The following FOXK1 variants were observed in gnomAD, a reference collection of about 807,000 sequenced individuals.
The protein encoded by FOXK1 is forkhead box protein K1.
A neutral mutation model predicts 51.9 loss-of-function variants in FOXK1; 19 were observed. The observed-to-expected ratio is 0.37, with a 90% CI of 0.26 to 0.54. FOXK1 has a LOEUF of 0.54. Among genes scored for constraint, FOXK1 ranks in the 20% least tolerant of loss-of-function variants. The pLI is 0.87. For missense variants in FOXK1, 870 were observed against 1,032.7 expected (o/e 0.84, Z 2.16); for synonymous variants, 537 against 482.6 (o/e 1.11, Z -1.48).
rs922229021 is a variant in FOXK1, at chr7:4,711,337, G to T, written c.560+28469G>T. ...GGAGGCTGGGCGCAGTAATAAACACGCCCAGAGTGGAAGGGCTTCCTGTGA... is the reference window on the plus strand; with the variant it reads ...GGAGGCTGGGCGCAGTAATAAACACTCCCAGAGTGGAAGGGCTTCCTGTGA... On this transcript the variant is annotated intron_variant, in intron 1 of 8. Transcript: ENST00000328914. This position sits in a 1 kb window ranked among gnomAD's most constrained non-coding sequence, Gnocchi z 6.3. Among the ~76,000 whole-genome samples the T allele has an allele frequency of 6.6e-6, 1 of 152,178 alleles. No individual in the cohort carries two copies.
At chr7:4,760,961 GC>G (rs1304264548) in intron 7 of FOXK1, 102 bp from the exon 8 acceptor site, 1 of 1,076,828 alleles carries the variant, frequency 9.3e-7, no homozygotes, top group Non-Finnish European at 1.4e-6. Context: ...TTTTCCCAGT[GC>G]CGACCTCACT....
chr7:4,712,290 G>A (rs1780185092), intron 1 of FOXK1, among the ~76,000 whole-genome samples: 1 of 152,078 alleles, frequency 6.6e-6, no homozygotes, highest in African/African-American at 2.4e-5. Flanking sequence ...CTTGGTTCCT[G>A]TCTCCATAAA....
At chr7:4,718,343 C>T (rs1780264874) in intron 1 of FOXK1, among the ~76,000 whole-genome samples, 1 of 152,224 alleles carries the variant, frequency 6.6e-6, no homozygotes, top group Non-Finnish European at 1.5e-5. Context: ...AATGCGTCTC[C>T]ATGGCTGCAG....
Position 4,763,930 on chromosome 7 carries a change from G to A in FOXK1, c.*1466G>A, listed in dbSNP as rs748730216. The stretch of plus-strand genomic sequence containing the variant: ...AACGAGAAACAGCGACAGATTCGAC[G>A]CAGAGCTCCGGAAGTGCCTGAGGAG... On this transcript the variant is annotated 3_prime_UTR_variant, in exon 9 of 9. Transcript: ENST00000328914. 5 of 152,240 alleles carry A rather than the reference G, an allele frequency of 3.3e-5. No individual in the cohort carries two copies. The highest frequency in any genetic ancestry group is 5.9e-5 in the Non-Finnish European group (4 of 68,042). 9.4% of individuals were successfully genotyped at this position (152,240 alleles called of 1,614,324 possible). A position where few individuals can be genotyped will look rare whatever the true frequency, so the allele number is the denominator to read the frequency against.
chr7:4,727,342 G>A (rs951466055), intron 1 of FOXK1, among the ~76,000 whole-genome samples: 12 of 151,976 alleles, frequency 7.9e-5, no homozygotes, highest in African/African-American at 2.2e-4. Flanking sequence ...TGGCAAGGGC[G>A]TCTTACTCTG....
Position 4,762,340 on chromosome 7 carries a change from C to T in FOXK1, c.2078C>T (p.Ser693Phe), listed in dbSNP as rs1312326864. The T allele has an allele frequency of 3.2e-6, 5 of 1,550,796 alleles. No homozygotes were observed. In the Admixed American group the frequency reaches 7.8e-5, roughly 24 times the overall value. The change falls in exon 9 of 9, where the codon TCC becomes TTC. Residue 693 changes from serine (S) to phenylalanine (F), a missense_variant. Physicochemically the swap from Ser to Phe is radical, Grantham distance 155. This residue lies in a region of FOXK1 where 457 missense variants were observed against 510.8 expected (regional missense o/e 0.89). Transcript: ENST00000328914. This position sits in a 1 kb window ranked among gnomAD's most constrained non-coding sequence, Gnocchi z 5.7. ...GCCACTGCCACCACCGCCTCTGCCT[C>T]CGCCTCTTCCACTGGAGAGCCCGAG... is the stretch of plus-strand genomic sequence containing the variant. ...TPATATTASA[S>F]ASSTGEPEVK...
At position 4,682,549 on chromosome 7, in the gene FOXK1, T is replaced by A; in HGVS notation, c.241T>A (p.Ser81Thr). 1 of 1,154,636 alleles carries A rather than the reference T, an allele frequency of 8.7e-7. No individual in the cohort carries two copies. The highest frequency in any genetic ancestry group is 1.1e-6 in the Non-Finnish European group (1 of 941,818). 71.5% of individuals were successfully genotyped at this position (1,154,636 alleles called of 1,614,324 possible). ...SGGSSGVSGDSAVAGAAPALV... is the reference protein window; with the variant it reads ...SGGSSGVSGDTAVAGAAPALV... ...GGGCTCCTCCGGGGTATCCGGGGAC[T>A]CCGCGGTCGCGGGCGCGGCGCCGGC... The change falls in exon 1 of 9, where the codon TCC becomes ACC. Residue 81 changes from serine to threonine, a missense_variant. This residue lies in a region of FOXK1 where 399 missense variants were observed against 475.6 expected (regional missense o/e 0.84). Coordinates refer to ENST00000328914, the MANE Select transcript of FOXK1 (RefSeq NM_001037165.2). This position sits in a 1 kb window ranked among gnomAD's most constrained non-coding sequence, Gnocchi z 7.6.
At position 4,760,677 on chromosome 7, in the gene FOXK1, C is replaced by G. The variant is rs545008685; in HGVS notation, c.1697-387C>G. On this transcript the variant is annotated intron_variant, in intron 7 of 8. Transcript: ENST00000328914. The stretch of plus-strand genomic sequence containing the variant: ...ACCAGCCTGGCCAACATGGTGAAAC[C>G]CCATCTCTACTGAAAATACAAAAAT... Among the ~76,000 whole-genome samples, 19 of 152,174 alleles carry G rather than the reference C, an allele frequency of 1.2e-4. No homozygotes were observed. The South Asian group carries it at 2.1e-3, about 17-fold the overall frequency.
Position 4,692,559 on chromosome 7 carries a change from G to T in FOXK1, c.560+9691G>T, listed in dbSNP as rs957290628. On this transcript the variant is annotated intron_variant, in intron 1 of 8. Coordinates refer to ENST00000328914, the MANE Select transcript of FOXK1 (RefSeq NM_001037165.2). Reference sequence around the variant, plus strand: ...AAACAGGCATGTGCCACCACGCCCAGCTAATTTTGTATTTTTAGTAGAGAC... The same window carrying T: ...AAACAGGCATGTGCCACCACGCCCATCTAATTTTGTATTTTTAGTAGAGAC... Among the ~76,000 whole-genome samples the T allele has an allele frequency of 2.0e-5, 3 of 150,462 alleles. No homozygotes were observed. The South Asian group carries it at 6.3e-4, about 32-fold the overall frequency.
Position 4,759,537 on chromosome 7 carries a change from G to GT in FOXK1, c.1638_1639insT (p.Gly547TrpfsTer5). 1 of 1,558,448 alleles carries GT rather than the reference G, an allele frequency of 6.4e-7. No individual in the cohort carries two copies. The highest frequency in any genetic ancestry group is 8.6e-7 in the Non-Finnish European group (1 of 1,158,426). ...ACATCCTCACCAGCCAGGGCGCGGC[G>GT]GGGGGCTCCCATGATGCGGCGGGCG... is the stretch of plus-strand genomic sequence containing the variant. On this transcript the variant is annotated frameshift_variant, in exon 7 of 9. Transcript: ENST00000328914. LOFTEE classifies it high-confidence loss of function.
rs774828063 is a variant in FOXK1 at position 4,757,177 on chromosome 7, C to G, written c.1234C>G (p.Leu412Val). ...VSCFRTPFGP[L>V]SSRSAPASPT... is the part of the protein sequence containing the mutation. ...CTGCTTCCGCACCCCCTTCGGGCCT[C>G]TGTCCTCAAGGTAAAGTTCTCTGAG... The change falls in exon 5 of 9, where the codon CTG becomes GTG. Residue 412 changes from leucine to valine, a missense_variant. Transcript: ENST00000328914. 1.0e-5 allele frequency: 16 copies of G among 1,606,336 alleles called. No homozygotes were observed. The Admixed American group carries it at 2.7e-4, about 27-fold the overall frequency.
rs775099211 is a variant in FOXK1, at chr7:4,704,834, C to CTTTTTTTTTTTTTTTTTTTTTTTTTTTT, written c.560+21981_560+21982insTTTTTTTTTTTTTTTTTTTTTTTTTTTT. ...CTCCCAAACCAATCTATGTTTCATT[C>CTTTTTTTTTTTTTTTTTTTTTTTTTTTT]TTTTTTTTTTTTTTTGAGAAAAAGT... is the stretch of plus-strand genomic sequence containing the variant. On this transcript the variant is annotated intron_variant, in intron 1 of 8. Coordinates refer to ENST00000328914, the MANE Select transcript of FOXK1 (RefSeq NM_001037165.2). Among the ~76,000 whole-genome samples the CTTTTTTTTTTTTTTTTTTTTTTTTTTTT allele has an allele frequency of 9.9e-5, 13 of 131,404 alleles. 3 individuals are homozygous for CTTTTTTTTTTTTTTTTTTTTTTTTTTTT. The highest frequency in any genetic ancestry group is 4.2e-4 in the African/African-American group (13 of 31,090). The allele number at this position is 131,404 out of a possible 152,430, so 86.2% of individuals were successfully genotyped here. A position where few individuals can be genotyped will look rare whatever the true frequency, so the allele number is the denominator to read the frequency against.
chr7:4,685,107 G>T (rs77302003), intron 1 of FOXK1, among the ~76,000 whole-genome samples: 4,560 of 151,684 alleles, frequency 0.03, 82 homozygotes, highest in Admixed American at 0.042. Context: ...ACCTGCACAT[G>T]TGAGCAATAT....
chr7:4,723,732 A>T lies in FOXK1; in HGVS notation c.561-17106A>T, dbSNP rs572201260. Among the ~76,000 whole-genome samples the T allele has an allele frequency of 6.6e-6, 1 of 152,038 alleles. No individual in the cohort carries two copies. Among genetic ancestry groups the T allele is most frequent in the African/African-American group, 2.4e-5 (1 of 41,392 alleles). On this transcript the variant is annotated intron_variant, in intron 1 of 8. Coordinates refer to ENST00000328914, the MANE Select transcript of FOXK1 (RefSeq NM_001037165.2). The surrounding 1 kb of genome is among the most constrained non-coding windows in gnomAD (Gnocchi z 4.7). ...TCCCAGGCTGGAGTGCAGTGGTGCA[A>T]TCGTAGCTCACTGCAGCCTCAACCT...
chr7:4,694,710 C>T (rs1371001113), intron 1 of FOXK1, among the ~76,000 whole-genome samples: 3 of 152,148 alleles, frequency 2.0e-5, no homozygotes, highest in East Asian at 1.9e-4. Flanking sequence ...TAGGATGACC[C>T]GTGTGGGTCT....
In FOXK1 at chr7:4,705,511, TTCTCTTTC is replaced by T. The variant is rs1780072322; in HGVS notation, c.560+22649_560+22656del. 6.4e-4 allele frequency among the ~76,000 whole-genome samples: 69 copies of T among 108,364 alleles called. 1 individual carries two copies. Among genetic ancestry groups the T allele is most frequent in the African/African-American group, 1.7e-3 (44 of 25,598 alleles). 71.1% of individuals were successfully genotyped at this position (108,364 alleles called of 152,430 possible). ...GTGAGAATTCTTCTGTGTCATTTCC[TTCTCTTTC>T]TCTCTCTCTCTCTCTCTCTCTCTCT... On this transcript the variant is annotated intron_variant, in intron 1 of 8. Coordinates refer to ENST00000328914, the MANE Select transcript of FOXK1 (RefSeq NM_001037165.2).
In FOXK1 at chr7:4,731,945, C is replaced by T. The variant is rs1162098459; in HGVS notation, c.561-8893C>T. Among the ~76,000 whole-genome samples the T allele has an allele frequency of 6.6e-6, 1 of 152,188 alleles. No homozygotes were observed. Among genetic ancestry groups the T allele is most frequent in the African/African-American group, 2.4e-5 (1 of 41,440 alleles). ...ATGTTCACGGCATGGAGACCTGAGGCCACACGGAGGCCGGGCTGGCCAGGG... is the reference window on the plus strand; with the variant it reads ...ATGTTCACGGCATGGAGACCTGAGGTCACACGGAGGCCGGGCTGGCCAGGG... On this transcript the variant is annotated intron_variant, in intron 1 of 8. Coordinates refer to ENST00000328914, the MANE Select transcript of FOXK1 (RefSeq NM_001037165.2). The surrounding 1 kb of genome is among the most constrained non-coding windows in gnomAD (Gnocchi z 5.3).
intron 2 of FOXK1, among the ~76,000 whole-genome samples, chr7:4,742,846 C>A (rs925203974): frequency 1.3e-5 from 2 of 152,238 alleles, no homozygotes; most frequent in African/African-American, 4.8e-5. Context: ...CTACAAGTTA[C>A]AAGGTGGGAA....
intron 1 of FOXK1, among the ~76,000 whole-genome samples, chr7:4,689,090 G>A (rs1187344264): frequency 1.3e-5 from 2 of 151,708 alleles, no homozygotes; most frequent in African/African-American, 4.8e-5. Context: ...CAATTCTCCT[G>A]CCTCAGCCTC....
Sources: allele counts gnomAD v4.1 joint callset (sites outside exome capture counted in the v4.1 genomes callset), GRCh38; gene constraint gnomAD v4.1.1; regional missense constraint gnomAD v4.1.1; non-coding constraint Gnocchi (gnomAD v3.1); transcripts MANE v1.5; gene names NCBI Gene and HGNC (gene_info 2026-07-23, HGNC 2026-07-21).